BEND7: variants seen among roughly 807,000 people sequenced by gnomAD.
The protein encoded by BEND7 is BEN domain-containing protein 7.
Under a neutral mutation model 50.9 loss-of-function variants are expected in BEND7, and 28 were observed. That is an observed-to-expected ratio of 0.55 (90% CI 0.41 to 0.75). The LOEUF (loss-of-function observed/expected upper bound fraction) is 0.75, where lower values mean the gene tolerates loss of function less well. Among genes scored for constraint, BEND7 ranks in the 30% least tolerant of loss-of-function variants. The probability of loss-of-function intolerance (pLI) is 0.00; values close to 1 mark genes in which losing one functional copy is unlikely to be tolerated. For missense variants in BEND7, 477 were observed against 491.3 expected (o/e 0.97, Z 0.28); for synonymous variants, 170 against 183.9 (o/e 0.92, Z 0.61).
intron 6 of BEND7, among the ~76,000 whole-genome samples, chr10:13,467,620 T>C (rs568947060): frequency 6.6e-6 from 1 of 152,344 alleles, no homozygotes; most frequent in East Asian, 1.9e-4. Context: ...CTATATGCCA[T>C]TTGATCTGTC....
At chr10:13,486,894 A>G (rs1451952643) in intron 5 of BEND7, among the ~76,000 whole-genome samples, 1 of 152,182 alleles carries the variant, frequency 6.6e-6, no homozygotes, top group Non-Finnish European at 1.5e-5. Flanking sequence ...ACAATATGTA[A>G]GAGTCTAACC....
chr10:13,489,361 A>G (rs1012183102), intron 5 of BEND7, among the ~76,000 whole-genome samples: 2 of 152,094 alleles, frequency 1.3e-5, no homozygotes, highest in African/African-American at 4.8e-5. Context: ...TCCCCTCAAC[A>G]GTGACTGAGT....
chr10:13,473,929 C>A (rs1269166923), intron 6 of BEND7, among the ~76,000 whole-genome samples: 6 of 149,690 alleles, frequency 4.0e-5, no homozygotes, highest in African/African-American at 1.2e-4. Flanking sequence ...CACTGTTAGA[C>A]TCAGGGCCAA....
intron 2 of BEND7, among the ~76,000 whole-genome samples, chr10:13,513,700 C>T (rs771974229): frequency 2.6e-5 from 4 of 152,230 alleles, no homozygotes; most frequent in Non-Finnish European, 2.9e-5. Context: ...TCTACTCCAC[C>T]CTGAAGCTAG....
At chr10:13,456,474 TGA>T (rs1839001607) in intron 6 of BEND7, among the ~76,000 whole-genome samples, 1 of 152,134 alleles carries the variant, frequency 6.6e-6, no homozygotes, top group African/African-American at 2.4e-5. Context: ...GACGTAGGGC[TGA>T]GAGTCTTAGT....
At position 13,441,507 on chromosome 10, in the gene BEND7, G is replaced by T; in HGVS notation, c.*236C>A. 7.3e-7 allele frequency: 1 copy of T among 1,376,026 alleles called. No individual in the cohort carries two copies. Among genetic ancestry groups the T allele is most frequent in the Non-Finnish European group, 9.4e-7 (1 of 1,067,966 alleles). 85.2% of individuals were successfully genotyped at this position (1,376,026 alleles called of 1,614,324 possible). On this transcript the variant is annotated 3_prime_UTR_variant, in exon 9 of 9. Coordinates refer to ENST00000466271, the MANE Select transcript of BEND7 (RefSeq NM_001369863.1). Reference sequence around the variant, plus strand: ...CAAGTGCTGAACACCCCAAGCTGTGGCCCCGCCTTGGAAGGCAGTGCTTCT... The same window carrying T: ...CAAGTGCTGAACACCCCAAGCTGTGTCCCCGCCTTGGAAGGCAGTGCTTCT...
intron 6 of BEND7, among the ~76,000 whole-genome samples, chr10:13,465,384 T>C (rs10796083): frequency 0.6 from 91,621 of 152,052 alleles, 27,860 homozygotes; most frequent in East Asian, 0.76. Flanking sequence ...TACTGAGTTA[T>C]AGACATGAGA....
At chr10:13,481,354 T>A (rs1350824217) in intron 5 of BEND7, among the ~76,000 whole-genome samples, 2 of 152,068 alleles carry the variant, frequency 1.3e-5, no homozygotes, top group East Asian at 3.9e-4. Context: ...TCAAAAGCAA[T>A]GGAAAGAAAA....
chr10:13,521,858 C>T (rs1385366761), intron 2 of BEND7, among the ~76,000 whole-genome samples: 8 of 152,156 alleles, frequency 5.3e-5, no homozygotes, highest in African/African-American at 1.4e-4. Context: ...AGAACGATGT[C>T]GTGGCTGGGA....
At chr10:13,517,952 G>A (rs1286099482) in intron 2 of BEND7, among the ~76,000 whole-genome samples, 9 of 152,096 alleles carry the variant, frequency 5.9e-5, no homozygotes, top group South Asian at 2.1e-4. Context: ...CAGACTTCCC[G>A]CGCCAACATC....
chr10:13,452,432 CT>C, intron 7 of BEND7, 106 bp downstream of exon 7: 1 of 1,247,018 alleles, frequency 8.0e-7, no homozygotes, highest in South Asian at 1.8e-5. Context: ...ACAGTCTCTC[CT>C]TCAAAAGACA....
rs370941716 is a variant in BEND7 at position 13,499,894 on chromosome 10, G to A, written c.332C>T (p.Pro111Leu). The A allele has an allele frequency of 8.1e-6, 13 of 1,614,066 alleles. No homozygotes were observed. The highest frequency in any genetic ancestry group is 8.0e-5 in the African/African-American group (6 of 74,920). The change falls in exon 3 of 9, where the codon CCG (proline) becomes CTG (leucine). Residue 111 changes from proline to leucine, a missense_variant. Around this residue, in one of 3 missense-constraint regions of BEND7, gnomAD observed 396 missense variants for 384.2 expected, o/e 1.03. Transcript: ENST00000466271. ...CTCATTCCACACACCACGTGAAGACGGGTGGAGGCTTTGCGGGGCCTCAGC... is the reference window on the plus strand; with the variant it reads ...CTCATTCCACACACCACGTGAAGACAGGTGGAGGCTTTGCGGGGCCTCAGC... ...SSAEAPQSLH[P>L]SSRGVWNELP...
At chr10:13,480,791 G>C in intron 6 of BEND7, 108 bp downstream of exon 6, 27 of 1,529,882 alleles carry the variant, frequency 1.8e-5, no homozygotes, top group Non-Finnish European at 2.3e-5. Context: ...ATTGGCAATG[G>C]CAAATGAAAC....
chr10:13,524,845 A>T (rs542524894), intron 2 of BEND7, among the ~76,000 whole-genome samples: 1 of 152,204 alleles, frequency 6.6e-6, no homozygotes, highest in East Asian at 1.9e-4. Context: ...AGAAAGATCT[A>T]TGTGCTATCA....
At chr10:13,450,159 T>C (rs1837361239) in intron 7 of BEND7, among the ~76,000 whole-genome samples, 1 of 152,256 alleles carries the variant, frequency 6.6e-6, no homozygotes, top group African/African-American at 2.4e-5. Flanking sequence ...TGGATTTGCA[T>C]AACGGCCTTT....
intron 6 of BEND7, among the ~76,000 whole-genome samples, chr10:13,455,709 G>A (rs1033217784): frequency 1.3e-5 from 2 of 152,184 alleles, no homozygotes; most frequent in South Asian, 4.1e-4. Context: ...TCCAACAGAA[G>A]GAGGGAAATG....
intron 8 of BEND7, chr10:13,442,074 G>A: frequency 2.9e-6 from 1 of 344,952 alleles, no homozygotes; most frequent in East Asian, 5.5e-5. Flanking sequence ...AGTGTGATGT[G>A]ACATGAATAC....
chr10:13,513,603 TCTA>T (rs1336940203), intron 2 of BEND7, among the ~76,000 whole-genome samples: 2 of 152,220 alleles, frequency 1.3e-5, no homozygotes, highest in Non-Finnish European at 2.9e-5. Flanking sequence ...ACTTTAGAAT[TCTA>T]CTGCTTCTCC....
chr10:13,486,022 C>T (rs1042131726), intron 5 of BEND7, among the ~76,000 whole-genome samples: 1 of 152,128 alleles, frequency 6.6e-6, no homozygotes, highest in Non-Finnish European at 1.5e-5. Context: ...GCTTGGGCTA[C>T]AAGTGCGTGG....
Sources: allele counts gnomAD v4.1 joint callset (sites outside exome capture counted in the v4.1 genomes callset), GRCh38; gene constraint gnomAD v4.1.1; regional missense constraint gnomAD v4.1.1; transcripts MANE v1.5; gene names NCBI Gene and HGNC (gene_info 2026-07-23, HGNC 2026-07-21).